SPG11: variants seen among roughly 807,000 people sequenced by gnomAD.
SPG11 encodes SPG11 vesicle trafficking associated, spatacsin.
In SPG11, 222 loss-of-function variants were observed where a neutral mutation model predicts 274.0. That is an observed-to-expected ratio of 0.81 (90% CI 0.73 to 0.91). The LOEUF (loss-of-function observed/expected upper bound fraction) is 0.91, where lower values mean the gene tolerates loss of function less well. Among genes scored for constraint, SPG11 ranks in the 40% least tolerant of loss-of-function variants. The probability of loss-of-function intolerance (pLI) is 0.00; values close to 1 mark genes in which losing one functional copy is unlikely to be tolerated. For missense variants in SPG11, 3,114 were observed against 2,872.7 expected (o/e 1.08, Z -1.92); for synonymous variants, 1,144 against 1,039.7 (o/e 1.10, Z -1.93).
chr15:44,563,290 T>C lies in SPG11; in HGVS notation c.7163A>G (p.His2388Arg), dbSNP rs1378672458. 6.2e-7 allele frequency: 1 copy of C among 1,612,946 alleles called. No homozygotes were observed. Among genetic ancestry groups the C allele is most frequent in the Non-Finnish European group, 8.5e-7 (1 of 1,179,290 alleles). Residue 2388 changes from histidine to arginine, a missense_variant, in exon 40 of 40, where the codon CAT becomes CGT. Transcript: ENST00000261866. ...TTCCATGACCATGTCAGTAGGCTGA[T>C]GTTGTTTATATCTAGATAAAGAAAC... ...FEEISKKYKQ[H>R]QPTDMVMENL... is the part of the protein sequence containing the mutation.
At position 44,584,405 on chromosome 15, in the gene SPG11, C is replaced by T; in HGVS notation, c.5275G>A (p.Ala1759Thr). ...CTCCATCCAGTTGGGTGCTCACATG[C>T]CACATGGGCCTGGGTTGAGAAAAAG... is the stretch of plus-strand genomic sequence containing the variant. ...SSFFSTQAHV[A>T]CEHPTGWSSM... Residue 1759 changes from alanine (A) to threonine (T), a missense_variant, in exon 30 of 40, where the codon GCA becomes ACA. Physicochemically the swap from Ala to Thr is moderately conservative, Grantham distance 58. Transcript: ENST00000261866. The T allele has an allele frequency of 6.2e-7, 1 of 1,614,092 alleles. No individual in the cohort carries two copies. Among genetic ancestry groups the T allele is most frequent in the Non-Finnish European group, 8.5e-7 (1 of 1,179,982 alleles).
In SPG11 at chr15:44,615,570, T is replaced by C. The variant is rs201830528; in HGVS notation, c.2835-4A>G. 5.0e-6 allele frequency: 8 copies of C among 1,613,762 alleles called. No homozygotes were observed. The highest frequency in any genetic ancestry group is 2.7e-5 in the African/African-American group (2 of 75,030). On this transcript the variant is annotated splice_polypyrimidine_tract_variant and splice_region_variant and intron_variant, in intron 15 of 39. Transcript: ENST00000261866. ...AGATGCCAAAAAAACCCCATTCCTA[T>C]GGACAGATTTATAGGATGTCAAGTT...
intron 4 of SPG11, among the ~76,000 whole-genome samples, chr15:44,655,075 G>A (rs2084899585): frequency 6.6e-6 from 1 of 152,104 alleles, no homozygotes; most frequent in African/African-American, 2.4e-5. Context: ...AATGCCATGT[G>A]GTACTAATAA....
Position 44,585,515 on chromosome 15 carries a change from T to C in SPG11, c.5121+121A>G, listed in dbSNP as rs534150787. 3,209 of 748,296 alleles carry C rather than the reference T, an allele frequency of 4.3e-3. 33 individuals carry two copies. The highest frequency in any genetic ancestry group is 3.7e-3 in the Non-Finnish European group (1,677 of 454,692). 46.4% of individuals were successfully genotyped at this position (748,296 alleles called of 1,614,324 possible). A position where few individuals can be genotyped will look rare whatever the true frequency, so the allele number is the denominator to read the frequency against. On this transcript the variant is annotated intron_variant, in intron 29 of 39. Transcript: ENST00000261866. ...TACTCGGGAGGCTGAGGCAGGAGAA[T>C]TGCATGAACCCGAGAGGCGGAGCTT...
In SPG11 at chr15:44,569,492, G is replaced by A. The variant is rs1362623682; in HGVS notation, c.6491C>T (p.Thr2164Ile). The A allele has an allele frequency of 6.3e-7, 1 of 1,590,730 alleles. No individual in the cohort carries two copies. The highest frequency in any genetic ancestry group is 8.6e-7 in the Non-Finnish European group (1 of 1,167,530). The change falls in exon 35 of 40, where the codon ACT (threonine) becomes ATT (isoleucine). Residue 2164 changes from threonine (T) to isoleucine (I), a missense_variant. Thr to Ile is a moderately conservative substitution (Grantham distance 89, BLOSUM62 -1). Coordinates refer to ENST00000261866, the MANE Select transcript of SPG11 (RefSeq NM_025137.4). Reference protein sequence around the residue: ...EEYGLVVRLLTGIGRYNEMTY... With the variant: ...EEYGLVVRLLIGIGRYNEMTY... ...CATCTCGTTGTACCTTCCAATGCCA[G>A]TGAGGAGCCGTACCTGTGAAGTGGG...
chr15:44,654,513 TA>T (rs988916170), intron 4 of SPG11, among the ~76,000 whole-genome samples: 2 of 147,718 alleles, frequency 1.4e-5, no homozygotes, highest in African/African-American at 2.5e-5. Context: ...ATCTCAAAAT[TA>T]AAAAAAAAGA....
intron 4 of SPG11, 74 bp from the exon 5 acceptor site, chr15:44,652,340 T>C: frequency 1.3e-6 from 2 of 1,499,806 alleles, no homozygotes; most frequent in Non-Finnish European, 1.8e-6. Context: ...ACTGCTCCTG[T>C]TAAAAATAAG....
intron 11 of SPG11, among the ~76,000 whole-genome samples, chr15:44,625,309 T>C (rs2083866663): frequency 6.6e-6 from 1 of 152,144 alleles, no homozygotes; most frequent in South Asian, 2.1e-4. Context: ...TAGCTAGGAC[T>C]ACAGGTGTGC....
chr15:44,653,854 C>T (rs1312905657), intron 4 of SPG11, among the ~76,000 whole-genome samples: 2 of 152,116 alleles, frequency 1.3e-5, no homozygotes, highest in East Asian at 3.9e-4. Context: ...GTTTGAACTC[C>T]ATGGGTCCAC....
At chr15:44,648,669 A>T (rs750955375) in intron 7 of SPG11, among the ~76,000 whole-genome samples, 197 bp downstream of exon 7, 14 of 152,056 alleles carry the variant, frequency 9.2e-5, no homozygotes, top group Non-Finnish European at 1.9e-4. Flanking sequence ...CTATAATCTT[A>T]TATCTTTTAA....
At chr15:44,620,620 G>A (rs1044758493) in intron 14 of SPG11, 26 of 487,676 alleles carry the variant, frequency 5.3e-5, no homozygotes, top group Non-Finnish European at 7.3e-5. Context: ...TGGCAGCCTC[G>A]ACCTCCTGGG....
chr15:44,573,793 A>C, intron 31 of SPG11, 48 bp from the exon 32 acceptor site: 1 of 1,584,880 alleles, frequency 6.3e-7, no homozygotes, highest in Non-Finnish European at 8.7e-7. Context: ...AAGCCAGGAA[A>C]AAGCAAAAGA....
chr15:44,656,924 G>A (rs375781231), intron 4 of SPG11, among the ~76,000 whole-genome samples, 171 bp downstream of exon 4: 1 of 151,902 alleles, frequency 6.6e-6, no homozygotes, highest in Non-Finnish European at 1.5e-5. Context: ...GTAGCCAGTG[G>A]TCAGTTATAC....
intron 7 of SPG11, among the ~76,000 whole-genome samples, chr15:44,636,925 C>CAAAAAAAAAAAAAACAAAAAAA (rs2084276201): frequency 5.1e-5 from 1 of 19,454 alleles, no homozygotes; most frequent in Non-Finnish European, 8.0e-5. Context: ...GACTCCATCT[C>CAAAAAAAAAAAAAACAAAAAAA]AAAAAAAAAA....
At chr15:44,569,717 TC>T (rs201589363) in intron 34 of SPG11, among the ~76,000 whole-genome samples, 1 of 150,524 alleles carries the variant, frequency 6.6e-6, no homozygotes, top group African/African-American at 2.4e-5. Context: ...CACTGGCTGT[TC>T]TTTTTTTTTT....
intron 21 of SPG11, 23 bp downstream of exon 21, chr15:44,600,444 A>G (rs1466777710): frequency 1.2e-6 from 2 of 1,613,684 alleles, no homozygotes; most frequent in Non-Finnish European, 1.7e-6. Context: ...GTACCCAGAC[A>G]AAATTATATT....
chr15:44,649,900 A>T (rs1175213854), intron 6 of SPG11, among the ~76,000 whole-genome samples: 5 of 152,030 alleles, frequency 3.3e-5, no homozygotes, highest in African/African-American at 1.2e-4. Context: ...ATATCAAAAA[A>T]AAAAAAAAGC....
Position 44,563,071 on chromosome 15 carries a change from T to C in SPG11, c.*50A>G. On this transcript the variant is annotated 3_prime_UTR_variant, in exon 40 of 40. Transcript: ENST00000261866. ...CCAATGCATTCTTCTTCTCATCACA[T>C]CTGTCAGAATCTGCTAACAGTACAA... is the stretch of plus-strand genomic sequence containing the variant. 1 of 1,556,692 alleles carries C rather than the reference T, an allele frequency of 6.4e-7. No individual in the cohort carries two copies. Among genetic ancestry groups the C allele is most frequent in the Non-Finnish European group, 8.9e-7 (1 of 1,128,646 alleles).
At chr15:44,601,539 G>A (rs979864380) in intron 20 of SPG11, among the ~76,000 whole-genome samples, 86 of 149,650 alleles carry the variant, frequency 5.7e-4, no homozygotes, top group African/African-American at 2.0e-3. Flanking sequence ...AGGATTACAT[G>A]CGTGCGCCCA....
Sources: allele counts gnomAD v4.1 joint callset (sites outside exome capture counted in the v4.1 genomes callset), GRCh38; gene constraint gnomAD v4.1.1; transcripts MANE v1.5; gene names NCBI Gene and HGNC (gene_info 2026-07-23, HGNC 2026-07-21).